The following ALDH3A1 variants were observed in gnomAD, a reference collection of about 807,000 sequenced individuals.
ALDH3A1 encodes aldehyde dehydrogenase, dimeric NADP-preferring.
In ALDH3A1, 46 loss-of-function variants were observed where a neutral mutation model predicts 49.9. That is an observed-to-expected ratio of 0.92 (90% CI 0.73 to 1.18). ALDH3A1 has a LOEUF of 1.18. Ranked by LOEUF, ALDH3A1 falls within the 50% of genes most tolerant of loss-of-function variation. The probability of loss-of-function intolerance (pLI) is 0.00; values close to 1 mark genes in which losing one functional copy is unlikely to be tolerated. For synonymous variants in ALDH3A1, 269 were observed against 253.3 expected, an observed-to-expected ratio of 1.06 and a Z score of -0.59; for missense variants, 592 against 611.8, an observed-to-expected ratio of 0.97 and a Z score of 0.34.
Position 19,743,568 on chromosome 17 carries a change from A to C in ALDH3A1, c.163-105T>G. The stretch of plus-strand genomic sequence containing the variant: ...GCTGCCAGGGTGATGGGGGTCACTC[A>C]CCCAGCCCAGGGTGGGGGCAGCCGC... On this transcript the variant is annotated intron_variant, in intron 2 of 10. Coordinates refer to ENST00000225740, the MANE Select transcript of ALDH3A1 (RefSeq NM_000691.5). The surrounding 1 kb of genome is among the most constrained non-coding windows in gnomAD (Gnocchi z 4.4). The C allele has an allele frequency of 6.7e-7, 1 of 1,488,874 alleles. No individual in the cohort carries two copies. 92.2% of individuals were successfully genotyped at this position (1,488,874 alleles called of 1,614,324 possible).
intron 1 of ALDH3A1, among the ~76,000 whole-genome samples, chr17:19,747,319 G>T (rs1437582696): frequency 1.3e-5 from 2 of 152,172 alleles, no homozygotes; most frequent in East Asian, 1.9e-4. Flanking sequence ...GCCCTTCCAT[G>T]GTCCCTCCCT....
Position 19,739,671 on chromosome 17 carries a change from G to C in ALDH3A1, c.953C>G (p.Pro318Arg). The change falls in exon 8 of 11, where the codon CCC (proline) becomes CGC (arginine). Residue 318 changes from proline (P) to arginine (R), a missense_variant. Physicochemically the swap from Pro to Arg is moderately radical, Grantham distance 103 (BLOSUM62 -2). Transcript: ENST00000225740. The part of the protein sequence containing the change: ...TGDAATRYIA[P>R]TILTDVDPQS... ...GGGGTCCACGTCCGTGAGGATGGTGGGGGCTGAGGCAGGAAACAAGCCAGA... is the reference window on the plus strand; with the variant it reads ...GGGGTCCACGTCCGTGAGGATGGTGCGGGCTGAGGCAGGAAACAAGCCAGA... 1 of 1,613,598 alleles carries C rather than the reference G, an allele frequency of 6.2e-7. No individual in the cohort carries two copies. The highest frequency in any genetic ancestry group is 8.5e-7 in the Non-Finnish European group (1 of 1,179,846).
At chr17:19,741,009 A>G in intron 6 of ALDH3A1, 84 bp downstream of exon 6, 1 of 1,017,732 alleles carries the variant, frequency 9.8e-7, no homozygotes, top group Non-Finnish European at 1.5e-6. Context: ...AGTGTTTCCA[A>G]ATCTGTAGAA....
intron 5 of ALDH3A1, 29 bp downstream of exon 5, chr17:19,741,975 G>T (rs780153341): frequency 6.2e-7 from 1 of 1,609,024 alleles, no homozygotes; most frequent in South Asian, 1.1e-5. Context: ...AGTAAGGACT[G>T]CTGCAGCCAG....
At chr17:19,746,398 G>C (rs1476623651) in intron 1 of ALDH3A1, among the ~76,000 whole-genome samples, 1 of 152,136 alleles carries the variant, frequency 6.6e-6, no homozygotes, top group Non-Finnish European at 1.5e-5. Context: ...CATAATCACA[G>C]AGTTCTCCTA....
Position 19,742,528 on chromosome 17 carries a change from C to T in ALDH3A1, c.480+17G>A. On this transcript the variant is annotated intron_variant, in intron 4 of 10. Coordinates refer to ENST00000225740, the MANE Select transcript of ALDH3A1 (RefSeq NM_000691.5). ...TTATGAGGCCATGGAGTTACGAGGC[C>T]CTGGAGGGCAACTCACCTTGTCCAG... 1 of 1,609,574 alleles carries T rather than the reference C, an allele frequency of 6.2e-7. No homozygotes were observed. Among genetic ancestry groups the T allele is most frequent in the Non-Finnish European group, 8.5e-7 (1 of 1,177,022 alleles).
chr17:19,746,794 C>T (rs938519904), intron 1 of ALDH3A1, among the ~76,000 whole-genome samples: 1 of 152,116 alleles, frequency 6.6e-6, no homozygotes. Context: ...CGGTAGCCCC[C>T]GACACGATGA....
intron 3 of ALDH3A1, 106 bp from the exon 4 acceptor site, chr17:19,742,736 C>G (rs1043146929): frequency 4.6e-5 from 72 of 1,579,410 alleles, no homozygotes; most frequent in Non-Finnish European, 5.7e-5. Flanking sequence ...GTCCTCGGGA[C>G]AGTGGATGGA....
chr17:19,741,795 C>A (rs2086497248), intron 5 of ALDH3A1, among the ~76,000 whole-genome samples: 1 of 152,130 alleles, frequency 6.6e-6, no homozygotes, highest in South Asian at 2.1e-4. Context: ...AGACCTCTCC[C>A]CCTCCAGGAA....
Position 19,742,225 on chromosome 17 carries a change from GA to G in ALDH3A1, c.481-14del. 1.2e-6 allele frequency: 2 copies of G among 1,612,778 alleles called. No homozygotes were observed. Among genetic ancestry groups the G allele is most frequent in the Non-Finnish European group, 1.7e-6 (2 of 1,179,004 alleles). ...CTGGGTACAGATCCTTCCATGCAAGGAGAGAGGGGAGGCTCAGCAAAGACCA... is the reference window on the plus strand; with the variant it reads ...CTGGGTACAGATCCTTCCATGCAAGGGAGAGGGGAGGCTCAGCAAAGACCA... On this transcript the variant is annotated splice_polypyrimidine_tract_variant and intron_variant, in intron 4 of 10. Coordinates refer to ENST00000225740, the MANE Select transcript of ALDH3A1 (RefSeq NM_000691.5).
At chr17:19,740,311 G>A (rs767646732) in intron 7 of ALDH3A1, 25 bp downstream of exon 7, 54 of 1,610,560 alleles carry the variant, frequency 3.4e-5, no homozygotes, top group Middle Eastern at 3.3e-4. Flanking sequence ...GGGCAGGTGG[G>A]CTGTGCTCTT....
chr17:19,739,810 T>A, intron 7 of ALDH3A1, 136 bp from the exon 8 acceptor site: 1 of 1,124,264 alleles, frequency 8.9e-7, no homozygotes, highest in Non-Finnish European at 1.2e-6. Context: ...GGACGAGGCC[T>A]CAGAGAGGTA....
intron 2 of ALDH3A1, chr17:19,744,128 T>G (rs2086554902): frequency 1.0e-6 from 1 of 985,210 alleles, no homozygotes; most frequent in African/African-American, 1.7e-5. Flanking sequence ...CCCGGCGCTG[T>G]GGCTCATGCC....
In ALDH3A1 at chr17:19,738,095, G is replaced by A; in HGVS notation, c.*126C>T. The A allele has an allele frequency of 2.5e-6, 4 of 1,589,610 alleles. No homozygotes were observed. In the South Asian group the frequency reaches 4.5e-5, roughly 18 times the overall value. Reference sequence around the variant, plus strand: ...GAGTGGGGTGTGCACAGGTCAGCAGGTCAGCAGAGGAGTGGGGCTGGGCTG... The same window carrying A: ...GAGTGGGGTGTGCACAGGTCAGCAGATCAGCAGAGGAGTGGGGCTGGGCTG... On this transcript the variant is annotated 3_prime_UTR_variant, in exon 11 of 11. Coordinates refer to ENST00000225740, the MANE Select transcript of ALDH3A1 (RefSeq NM_000691.5).
rs1379762513 is a variant in ALDH3A1, at chr17:19,743,709, G to A, written c.163-246C>T. 3 of 985,138 alleles carry A rather than the reference G, an allele frequency of 3.0e-6. No individual in the cohort carries two copies. The highest frequency in any genetic ancestry group is 6.2e-5 in the Admixed American group (1 of 16,252). 61.0% of individuals were successfully genotyped at this position (985,138 alleles called of 1,614,324 possible). On this transcript the variant is annotated intron_variant, in intron 2 of 10. Coordinates refer to ENST00000225740, the MANE Select transcript of ALDH3A1 (RefSeq NM_000691.5). The surrounding 1 kb of genome is among the most constrained non-coding windows in gnomAD (Gnocchi z 4.4). The stretch of plus-strand genomic sequence containing the variant: ...GTTTGCGGCCCCAGGGGAGAGAGCC[G>A]GTGAAGGGACCAGGCATGGGCAACG...
chr17:19,739,818 G>C, intron 7 of ALDH3A1, 144 bp from the exon 8 acceptor site: 1 of 1,047,856 alleles, frequency 9.5e-7, no homozygotes, highest in Non-Finnish European at 1.4e-6. Flanking sequence ...CCTCAGAGAG[G>C]TACCCTAGGC....
intron 5 of ALDH3A1, 43 bp downstream of exon 5, chr17:19,741,961 G>GCAGAGTAAGGACTGCTGC (rs1166025993): frequency 1.9e-6 from 3 of 1,589,420 alleles, no homozygotes; most frequent in Non-Finnish European, 2.6e-6. Flanking sequence ...TGCTTGGAAA[G>GCAGAGTAAGGACTGCTGC]CAGAGTAAGG....
At position 19,743,471 on chromosome 17, in the gene ALDH3A1, G is replaced by T. The variant is rs367567625; in HGVS notation, c.163-8C>A. The T allele has an allele frequency of 6.3e-7, 1 of 1,584,462 alleles. No homozygotes were observed. Among genetic ancestry groups the T allele is most frequent in the Non-Finnish European group, 8.6e-7 (1 of 1,162,630 alleles). On this transcript the variant is annotated splice_region_variant and splice_polypyrimidine_tract_variant and intron_variant, in intron 2 of 10. Coordinates refer to ENST00000225740, the MANE Select transcript of ALDH3A1 (RefSeq NM_000691.5). This position sits in a 1 kb window ranked among gnomAD's most constrained non-coding sequence, Gnocchi z 4.4. ...GTAGGCGTTCCATTCATTCTGCAGC[G>T]ACAGAGCCGGAGTGAGCTTCCAGGG... is the stretch of plus-strand genomic sequence containing the variant.
chr17:19,746,165 G>C (rs372713034), intron 1 of ALDH3A1, among the ~76,000 whole-genome samples: 1 of 152,116 alleles, frequency 6.6e-6, no homozygotes, highest in East Asian at 1.9e-4. Flanking sequence ...GAGGTGGGCG[G>C]GTCACCTGAG....
Sources: gnomAD v4.1 joint callset for allele counts (sites outside exome capture counted in the v4.1 genomes callset) on GRCh38, gnomAD v4.1.1 for gene constraint, Gnocchi (gnomAD v3.1) non-coding constraint, MANE v1.5 for transcripts, NCBI Gene and HGNC (gene_info 2026-07-23, HGNC 2026-07-21) for gene names.